Variants in NXPH1 observed in about 807,000 individuals in gnomAD.
NXPH1 encodes neurexophilin-1.
A neutral mutation model predicts 23.7 loss-of-function variants in NXPH1; 5 were observed. The ratio of observed to expected loss-of-function variants is 0.21; its 90% CI spans 0.11 to 0.44. The LOEUF (loss-of-function observed/expected upper bound fraction) is 0.44, where lower values mean the gene tolerates loss of function less well. Among genes scored for constraint, NXPH1 ranks in the 20% least tolerant of loss-of-function variants. The pLI is 0.99. For missense variants in NXPH1, 324 were observed against 321.6 expected (o/e 1.01, Z -0.06); for synonymous variants, 144 against 122.2 (o/e 1.18, Z -1.18).
intron 2 of NXPH1, among the ~76,000 whole-genome samples, chr7:8,448,304 T>C (rs1375191733): frequency 6.6e-6 from 1 of 152,196 alleles, no homozygotes; most frequent in Admixed American, 6.5e-5. Flanking sequence ...AAGAAAAAAG[T>C]CTTGCTAACA....
intron 2 of NXPH1, among the ~76,000 whole-genome samples, chr7:8,605,165 A>G (rs909872625): frequency 4.6e-5 from 7 of 152,094 alleles, no homozygotes; most frequent in African/African-American, 1.7e-4. Flanking sequence ...CTTATATTTG[A>G]TGTGTGGAAA....
chr7:8,597,273 G>T (rs751839998), intron 2 of NXPH1, among the ~76,000 whole-genome samples: 1 of 152,094 alleles, frequency 6.6e-6, no homozygotes, highest in Non-Finnish European at 1.5e-5. Context: ...GGCCATTAAA[G>T]GGTAAAGTTT....
rs571529596 is a variant in NXPH1 at position 8,615,062 on chromosome 7, C to G, written c.55-135946C>G. ...AATTCTCATCTCTTCTTTCTTTTTA[C>G]TTGTTGTGCCTCATTACAATTTCAA... On this transcript the variant is annotated intron_variant, in intron 2 of 2. Transcript: ENST00000405863. Among the ~76,000 whole-genome samples the G allele has an allele frequency of 2.6e-5, 4 of 152,064 alleles. No individual in the cohort carries two copies. In the South Asian group the frequency reaches 8.3e-4, roughly 32 times the overall value.
At chr7:8,729,262 C>G (rs1436007716) in intron 2 of NXPH1, among the ~76,000 whole-genome samples, 6 of 148,928 alleles carry the variant, frequency 4.0e-5, no homozygotes, top group East Asian at 3.9e-4. Context: ...AGCGGTCTAT[C>G]AATTTTGTTG....
At chr7:8,539,648 A>T (rs543095946) in intron 2 of NXPH1, among the ~76,000 whole-genome samples, 1 of 151,860 alleles carries the variant, frequency 6.6e-6, no homozygotes, top group African/African-American at 2.4e-5. Flanking sequence ...ACATTTATAT[A>T]CAGATATTGT....
intron 2 of NXPH1, among the ~76,000 whole-genome samples, chr7:8,628,703 C>T (rs907285586): frequency 2.0e-5 from 3 of 151,672 alleles, no homozygotes; most frequent in Admixed American, 6.6e-5. Flanking sequence ...ATACAAAAAG[C>T]CTGATGTATT....
At chr7:8,672,701 G>C (rs1820890448) in intron 2 of NXPH1, among the ~76,000 whole-genome samples, 1 of 152,180 alleles carries the variant, frequency 6.6e-6, no homozygotes, top group African/African-American at 2.4e-5. Context: ...TTGTTTCACA[G>C]AGGCGACCTA....
At chr7:8,538,517 A>G (rs372514115) in intron 2 of NXPH1, among the ~76,000 whole-genome samples, 4 of 151,894 alleles carry the variant, frequency 2.6e-5, no homozygotes, top group East Asian at 1.9e-4. Flanking sequence ...GATAAAGATA[A>G]TGGGTACCAA....
intron 2 of NXPH1, among the ~76,000 whole-genome samples, chr7:8,585,729 A>G (rs1191794685): frequency 6.6e-6 from 1 of 152,242 alleles, no homozygotes; most frequent in Non-Finnish European, 1.5e-5. Flanking sequence ...CATATGTTGA[A>G]ACATTTGCAA....
At chr7:8,659,738 A>AAAT (rs962761597) in intron 2 of NXPH1, among the ~76,000 whole-genome samples, 1 of 152,132 alleles carries the variant, frequency 6.6e-6, no homozygotes, top group Non-Finnish European at 1.5e-5. Context: ...TAATAACAAA[A>AAAT]AATAATAATG....
chr7:8,536,255 CAT>C (rs1818023794), intron 2 of NXPH1, among the ~76,000 whole-genome samples: 1 of 151,996 alleles, frequency 6.6e-6, no homozygotes, highest in Non-Finnish European at 1.5e-5. Context: ...TGTATCAACG[CAT>C]ATAATAATAG....
chr7:8,736,366 C>T (rs551518125), intron 2 of NXPH1, among the ~76,000 whole-genome samples: 78 of 152,096 alleles, frequency 5.1e-4, no homozygotes, highest in Non-Finnish European at 4.0e-4. Flanking sequence ...TTATTTATTT[C>T]GGCCTTCATT....
intron 2 of NXPH1, among the ~76,000 whole-genome samples, chr7:8,486,869 G>C (rs1413806289): frequency 6.6e-6 from 1 of 151,974 alleles, no homozygotes; most frequent in Non-Finnish European, 1.5e-5. Flanking sequence ...AACTTCCTTA[G>C]TTAAACCATT....
chr7:8,667,987 T>TTTG (rs34017254), intron 2 of NXPH1, among the ~76,000 whole-genome samples: 3 of 150,772 alleles, frequency 2.0e-5, no homozygotes, highest in Non-Finnish European at 3.0e-5. Context: ...TCTATTGTAT[T>TTTG]TTGTTGTTGT....
chr7:8,706,655 G>T (rs1021258018), intron 2 of NXPH1, among the ~76,000 whole-genome samples: 7 of 152,168 alleles, frequency 4.6e-5, no homozygotes, highest in African/African-American at 1.7e-4. Context: ...ATGGGTTCAT[G>T]GTCATGGTGG....
At chr7:8,710,576 C>T (rs1290904459) in intron 2 of NXPH1, among the ~76,000 whole-genome samples, 1 of 151,056 alleles carries the variant, frequency 6.6e-6, no homozygotes, top group African/African-American at 2.4e-5. Flanking sequence ...AAATCAACTG[C>T]CAAACTCATA....
intron 2 of NXPH1, among the ~76,000 whole-genome samples, chr7:8,670,972 T>A (rs983966764): frequency 6.6e-6 from 1 of 152,198 alleles, no homozygotes; most frequent in Non-Finnish European, 1.5e-5. Flanking sequence ...GATGTACTCA[T>A]CTGCCTGAGT....
At chr7:8,519,233 A>C (rs1360327610) in intron 2 of NXPH1, among the ~76,000 whole-genome samples, 1 of 152,184 alleles carries the variant, frequency 6.6e-6, no homozygotes, top group East Asian at 1.9e-4. Context: ...GGTGTAAAAA[A>C]TTATAAAAAA....
At chr7:8,494,131 T>A (rs985485134) in intron 2 of NXPH1, among the ~76,000 whole-genome samples, 1 of 151,974 alleles carries the variant, frequency 6.6e-6, no homozygotes. Context: ...AGGTACTACT[T>A]GTCACACTCT....
Sources: allele counts gnomAD v4.1 joint callset (sites outside exome capture counted in the v4.1 genomes callset), GRCh38; gene constraint gnomAD v4.1.1; transcripts MANE v1.5; gene names NCBI Gene and HGNC (gene_info 2026-07-23, HGNC 2026-07-21).